Variants in DACH1 observed in about 807,000 individuals in gnomAD.
DACH1 encodes dachshund family transcription factor 1.
DACH1 carries 12 observed loss-of-function variants against 54.2 expected under a neutral mutation model. The observed-to-expected ratio is 0.22, with a 90% CI of 0.14 to 0.36. The LOEUF is 0.36. DACH1 is among the 10% of genes least tolerant of loss of function. The pLI, the probability that DACH1 is intolerant of heterozygous loss-of-function variation, is 1.00. For missense variants in DACH1, 805 were observed against 929.8 expected (o/e 0.87, Z 1.75); for synonymous variants, 386 against 366.2 (o/e 1.05, Z -0.62).
rs1286751810 is a variant in DACH1 at position 71,439,437 on chromosome 13, T to C, written c.*1218A>G. ...GGTGGGAAGCACAGCACATTTTAAC[T>C]TTATCACTCAGCGCTACATGGTATT... On this transcript the variant is annotated 3_prime_UTR_variant, in exon 11 of 11. Transcript: ENST00000613252. 1 of 152,498 alleles carries C rather than the reference T, an allele frequency of 6.6e-6. No homozygotes were observed. The highest frequency in any genetic ancestry group is 1.5e-5 in the Non-Finnish European group (1 of 67,940). The allele number at this position is 152,498 out of a possible 1,614,324, so 9.4% of individuals were successfully genotyped here. A position where few individuals can be genotyped will look rare whatever the true frequency, so the allele number is the denominator to read the frequency against.
intron 2 of DACH1, among the ~76,000 whole-genome samples, chr13:71,656,168 G>A (rs1879077177): frequency 6.6e-6 from 1 of 151,926 alleles, no homozygotes; most frequent in Admixed American, 6.6e-5. Context: ...TTTAGCCATT[G>A]TTTTACATTG....
intron 1 of DACH1, among the ~76,000 whole-genome samples, chr13:71,703,486 G>A (rs1451544492): frequency 1.3e-5 from 2 of 152,160 alleles, no homozygotes; most frequent in Non-Finnish European, 2.9e-5. Flanking sequence ...TAAAGAAATG[G>A]TTGTTGTCAT....
intron 1 of DACH1, among the ~76,000 whole-genome samples, chr13:71,865,701 G>C (rs557378955): frequency 2.0e-5 from 3 of 152,172 alleles, no homozygotes; most frequent in South Asian, 4.1e-4. Flanking sequence ...GGCAAGGGGA[G>C]GACCGGGCCG....
chr13:71,701,647 A>C (rs1198619570), intron 1 of DACH1, among the ~76,000 whole-genome samples: 2 of 152,192 alleles, frequency 1.3e-5, no homozygotes. Context: ...TGCACACTAA[A>C]ATGATGGACT....
chr13:71,809,412 C>G (rs1408096812), intron 1 of DACH1, among the ~76,000 whole-genome samples: 1 of 152,088 alleles, frequency 6.6e-6, no homozygotes, highest in African/African-American at 2.4e-5. Flanking sequence ...CTCAAGTGAT[C>G]CTCCCACTTC....
intron 3 of DACH1, among the ~76,000 whole-genome samples, chr13:71,622,744 C>T (rs1876340040): frequency 1.3e-5 from 2 of 151,692 alleles, no homozygotes; most frequent in Admixed American, 6.6e-5. Context: ...ATGATACATC[C>T]TATATACATC....
intron 2 of DACH1, among the ~76,000 whole-genome samples, chr13:71,675,929 G>A (rs1880539442): frequency 6.6e-6 from 1 of 152,060 alleles, no homozygotes; most frequent in African/African-American, 2.4e-5. Flanking sequence ...GCAAGTACAT[G>A]TTTTTAATGT....
intron 3 of DACH1, among the ~76,000 whole-genome samples, chr13:71,628,652 T>C (rs529831160): frequency 6.6e-6 from 1 of 152,194 alleles, no homozygotes; most frequent in East Asian, 1.9e-4. Context: ...CCAGCTAAAA[T>C]ACAAAAGAAA....
At chr13:71,789,208 T>G (rs940492182) in intron 1 of DACH1, among the ~76,000 whole-genome samples, 1 of 152,124 alleles carries the variant, frequency 6.6e-6, no homozygotes, top group Non-Finnish European at 1.5e-5. Flanking sequence ...TTACTCTGTT[T>G]AGATCACAGT....
chr13:71,491,997 A>G (rs1455869544), intron 6 of DACH1, among the ~76,000 whole-genome samples: 1 of 152,158 alleles, frequency 6.6e-6, no homozygotes, highest in African/African-American at 2.4e-5. Flanking sequence ...ATATCTGTAC[A>G]TATTTCTAAG....
chr13:71,546,620 C>A (rs1883484247), intron 6 of DACH1, among the ~76,000 whole-genome samples: 1 of 151,782 alleles, frequency 6.6e-6, no homozygotes, highest in South Asian at 2.1e-4. Flanking sequence ...AAAAGCATTT[C>A]TATACACAAT....
chr13:71,759,859 G>A (rs556242341), intron 1 of DACH1, among the ~76,000 whole-genome samples: 1 of 152,084 alleles, frequency 6.6e-6, no homozygotes, highest in African/African-American at 2.4e-5. Flanking sequence ...TTTAGAAAGA[G>A]TTTACTTAGA....
intron 1 of DACH1, among the ~76,000 whole-genome samples, chr13:71,838,962 C>A (rs909715981): frequency 6.6e-6 from 1 of 152,130 alleles, no homozygotes; most frequent in African/African-American, 2.4e-5. Context: ...AATTCCGGTA[C>A]AGAATGTTCC....
At chr13:71,668,742 T>C (rs937742758) in intron 2 of DACH1, among the ~76,000 whole-genome samples, 1 of 151,898 alleles carries the variant, frequency 6.6e-6, no homozygotes, top group Non-Finnish European at 1.5e-5. Flanking sequence ...CTGGCCAACA[T>C]GGTGAAACCC....
At chr13:71,864,128 A>C (rs1255704834) in intron 1 of DACH1, among the ~76,000 whole-genome samples, 1,639 of 73,862 alleles carry the variant, frequency 0.022, no homozygotes, top group Admixed American at 0.029. Flanking sequence ...GACCCCCACC[A>C]CCCCCCATCT....
At chr13:71,610,499 T>A (rs1039366744) in intron 3 of DACH1, among the ~76,000 whole-genome samples, 1 of 152,146 alleles carries the variant, frequency 6.6e-6, no homozygotes, top group African/African-American at 2.4e-5. Context: ...ATCTCATAAT[T>A]GCCAAGCATA....
intron 1 of DACH1, among the ~76,000 whole-genome samples, chr13:71,863,317 A>G (rs933045913): frequency 6.6e-6 from 1 of 152,174 alleles, no homozygotes; most frequent in South Asian, 2.1e-4. Flanking sequence ...GGTATTTGCA[A>G]CTAAACACCT....
rs890196574 is a variant in DACH1 at position 71,440,745 on chromosome 13, T to C, written c.2084-53A>G. The stretch of plus-strand genomic sequence containing the variant: ...AATGGCATGGTATTTGGGGTACAAA[T>C]GTGCATGTAAAAATGATGTAACTTG... On this transcript the variant is annotated intron_variant, in intron 10 of 10. Coordinates refer to ENST00000613252, the MANE Select transcript of DACH1 (RefSeq NM_080759.6). The C allele has an allele frequency of 2.9e-6, 4 of 1,379,410 alleles. No homozygotes were observed. In the African/African-American group the frequency reaches 5.9e-5, roughly 20 times the overall value. The allele number at this position is 1,379,410 out of a possible 1,614,324, so 85.4% of individuals were successfully genotyped here. A position where few individuals can be genotyped will look rare whatever the true frequency, so the allele number is the denominator to read the frequency against.
intron 1 of DACH1, among the ~76,000 whole-genome samples, chr13:71,693,915 G>T (rs1418235585): frequency 1.3e-5 from 2 of 152,026 alleles, no homozygotes; most frequent in Non-Finnish European, 2.9e-5. Context: ...TCCCCCATGG[G>T]TAAAGGGGAT....
Sources: allele counts gnomAD v4.1 joint callset (sites outside exome capture counted in the v4.1 genomes callset), GRCh38; gene constraint gnomAD v4.1.1; transcripts MANE v1.5; gene names NCBI Gene and HGNC (gene_info 2026-07-23, HGNC 2026-07-21).